Variants in HSD17B12 observed in about 807,000 individuals in gnomAD.
HSD17B12 encodes the protein hydroxysteroid 17-beta dehydrogenase 12, also known as very-long-chain 3-oxoacyl-CoA reductase.
In HSD17B12, 32 loss-of-function variants were observed where a neutral mutation model predicts 39.3. The ratio of observed to expected loss-of-function variants is 0.81; its 90% confidence interval spans 0.61 to 1.09. HSD17B12 has a LOEUF of 1.09. Among genes scored for constraint, HSD17B12 ranks in the 50% least tolerant of loss-of-function variants. The probability of loss-of-function intolerance (pLI) is 0.00; values close to 1 mark genes in which losing one functional copy is unlikely to be tolerated. For synonymous variants in HSD17B12, 150 were observed against 146.7 expected (o/e 1.02, Z -0.16); for missense variants, 342 against 382.9 (o/e 0.89, Z 0.89).
intron 2 of HSD17B12, among the ~76,000 whole-genome samples, chr11:43,752,091 CTTTTA>C (rs1590719207): frequency 6.6e-6 from 1 of 152,034 alleles, no homozygotes; most frequent in Non-Finnish European, 1.5e-5. Context: ...CCTTATTTTT[CTTTTA>C]TAAGAATGCC....
At chr11:43,632,181 A>T in the HSD17B12 span, among the ~76,000 whole-genome samples, 1 of 152,230 alleles carries the variant, frequency 6.6e-6, no homozygotes, top group African/African-American at 2.4e-5. Context: ...GGAGATAAAC[A>T]ATTCAACACT....
At chr11:43,827,764 C>T (rs1249518075) in intron 6 of HSD17B12, among the ~76,000 whole-genome samples, 8 of 151,994 alleles carry the variant, frequency 5.3e-5, no homozygotes, top group Admixed American at 3.3e-4. Context: ...TTTGTATAAG[C>T]GAAATAAGCC....
chr11:43,599,686 T>C, the HSD17B12 span, among the ~76,000 whole-genome samples: 1 of 152,228 alleles, frequency 6.6e-6, no homozygotes. Flanking sequence ...AAAGATAGTT[T>C]ATGCTTTTAA....
Position 43,816,335 on chromosome 11 carries a change from AT to A in HSD17B12, c.457-5del, listed in dbSNP as rs776155261. 768 of 1,484,042 alleles carry A rather than the reference AT, an allele frequency of 5.2e-4. No homozygotes were observed. Among genetic ancestry groups the A allele is most frequent in the Non-Finnish European group, 6.4e-4 (697 of 1,095,798 alleles). 91.9% of individuals were successfully genotyped at this position (1,484,042 alleles called of 1,614,324 possible). ...ATCAAGTGTATATAAAATTCTCAATATTTTTTTGCAGGTGATCAAGAAAATG... is the reference window on the plus strand; with the variant it reads ...ATCAAGTGTATATAAAATTCTCAATATTTTTTGCAGGTGATCAAGAAAATG... On this transcript the variant is annotated splice_polypyrimidine_tract_variant and intron_variant, in intron 5 of 10. Coordinates refer to ENST00000278353, the MANE Select transcript of HSD17B12 (RefSeq NM_016142.3).
At chr11:43,786,597 A>G (rs1950817580) in intron 3 of HSD17B12, among the ~76,000 whole-genome samples, 1 of 152,220 alleles carries the variant, frequency 6.6e-6, no homozygotes, top group Non-Finnish European at 1.5e-5. Flanking sequence ...GCTGGGCATC[A>G]TGTCAGCAAT....
chr11:43,623,290 T>C, the HSD17B12 span, among the ~76,000 whole-genome samples: 1 of 152,164 alleles, frequency 6.6e-6, no homozygotes, highest in Non-Finnish European at 1.5e-5. Flanking sequence ...AGAAATCAGC[T>C]AACATTTATT....
At chr11:43,578,765 G>A in the HSD17B12 span, 1 of 151,796 alleles carries the variant, frequency 6.6e-6, no homozygotes, top group East Asian at 2.0e-4. Context: ...TGGAGCGGTG[G>A]TTGGGGGGAG....
At chr11:43,741,756 C>CG (rs1950366890) in intron 1 of HSD17B12, among the ~76,000 whole-genome samples, 1 of 124,706 alleles carries the variant, frequency 8.0e-6, no homozygotes, top group African/African-American at 3.1e-5. Flanking sequence ...TTTTTTGAGA[C>CG]GGGGTCTCGC....
intron 1 of HSD17B12, among the ~76,000 whole-genome samples, chr11:43,711,039 C>T (rs1950060627): frequency 6.6e-6 from 1 of 152,174 alleles, no homozygotes; most frequent in Admixed American, 6.5e-5. Flanking sequence ...GTGATCCACC[C>T]ACCTTAGCTT....
chr11:43,801,770 G>A (rs1217438584), intron 4 of HSD17B12, among the ~76,000 whole-genome samples: 11 of 151,942 alleles, frequency 7.2e-5, no homozygotes, highest in African/African-American at 2.7e-4. Flanking sequence ...AAGGAGAATA[G>A]AGAGAATGTA....
chr11:43,595,900 C>T, the HSD17B12 span, among the ~76,000 whole-genome samples: 1 of 152,106 alleles, frequency 6.6e-6, no homozygotes, highest in African/African-American at 2.4e-5. Context: ...ACATTATCTT[C>T]CATGTTTTGG....
chr11:43,736,156 A>G (rs1167643586), intron 1 of HSD17B12, among the ~76,000 whole-genome samples: 1 of 152,184 alleles, frequency 6.6e-6, no homozygotes, highest in African/African-American at 2.4e-5. Flanking sequence ...TTTTTAGTTA[A>G]CCAAATAAAG....
At chr11:43,618,815 A>G in the HSD17B12 span, among the ~76,000 whole-genome samples, 1 of 152,152 alleles carries the variant, frequency 6.6e-6, no homozygotes, top group Non-Finnish European at 1.5e-5. Context: ...TTCATAGTTT[A>G]GGGACCAAGG....
At chr11:43,838,103 A>G (rs1417095173) in intron 7 of HSD17B12, 4 of 543,514 alleles carry the variant, frequency 7.4e-6, no homozygotes, top group Non-Finnish European at 1.3e-5. Flanking sequence ...CTGGGAAATG[A>G]GCTAATCGTG....
chr11:43,631,102 A>G, the HSD17B12 span, among the ~76,000 whole-genome samples: 1 of 152,030 alleles, frequency 6.6e-6, no homozygotes, highest in Non-Finnish European at 1.5e-5. Context: ...ATAGCGCCCG[A>G]CCAATAATTT....
At chr11:43,777,920 A>G (rs1416413272) in intron 3 of HSD17B12, among the ~76,000 whole-genome samples, 3 of 152,178 alleles carry the variant, frequency 2.0e-5, no homozygotes, top group Non-Finnish European at 4.4e-5. Flanking sequence ...CACAATTAAA[A>G]GAACTAGAAA....
chr11:43,730,998 T>C (rs117814937), intron 1 of HSD17B12, among the ~76,000 whole-genome samples: 1,726 of 152,120 alleles, frequency 0.011, 17 homozygotes, highest in East Asian at 0.044. Context: ...AAGAATATTA[T>C]TAAATTTTTT....
At chr11:43,699,247 C>G (rs1949940499) in intron 1 of HSD17B12, among the ~76,000 whole-genome samples, 1 of 152,108 alleles carries the variant, frequency 6.6e-6, no homozygotes, top group Non-Finnish European at 1.5e-5. Flanking sequence ...ATTTCTCACT[C>G]AATACCCCAC....
At chr11:43,749,626 A>T (rs1950446637) in intron 1 of HSD17B12, among the ~76,000 whole-genome samples, 2 of 151,602 alleles carry the variant, frequency 1.3e-5, no homozygotes. Context: ...TGGATATTTC[A>T]ACTTTTTTTT....
Sources: allele counts gnomAD v4.1 joint callset (sites outside exome capture counted in the v4.1 genomes callset), GRCh38; gene constraint gnomAD v4.1.1; transcripts MANE v1.5; gene names NCBI Gene and HGNC (gene_info 2026-07-23, HGNC 2026-07-21).